The following PHLPP1 variants were observed in gnomAD, a reference collection of about 807,000 sequenced individuals.
PHLPP1 encodes PH domain and leucine rich repeat protein phosphatase 1.
Under a neutral mutation model 117.2 loss-of-function variants are expected in PHLPP1, and 42 were observed. The observed-to-expected ratio is 0.36, with a 90% confidence interval of 0.28 to 0.46. The LOEUF (loss-of-function observed/expected upper bound fraction) is 0.46. Among genes scored for constraint, PHLPP1 ranks in the 20% least tolerant of loss-of-function variants. The probability of loss-of-function intolerance (pLI) is 1.00; values close to 1 mark genes in which losing one functional copy is unlikely to be tolerated. For synonymous variants in PHLPP1, 1,042 were observed against 970.7 expected, an observed-to-expected ratio of 1.07 and a Z score of -1.37; for missense variants, 2,084 against 2,241.9, an observed-to-expected ratio of 0.93 and a Z score of 1.42.
At chr18:62,795,492 C>CAAAAAAAAAA (rs11291832) in intron 1 of PHLPP1, among the ~76,000 whole-genome samples, 1 of 61,400 alleles carries the variant, frequency 1.6e-5, no homozygotes. Context: ...GACTCCATCT[C>CAAAAAAAAAA]AAAAAAAAAA....
chr18:62,957,101 T>C (rs1599141330), intron 12 of PHLPP1, among the ~76,000 whole-genome samples: 1 of 152,290 alleles, frequency 6.6e-6, no homozygotes, highest in Middle Eastern at 3.4e-3. Context: ...AAGGTACTAA[T>C]TCAGCCAGAT....
intron 1 of PHLPP1, among the ~76,000 whole-genome samples, chr18:62,770,973 C>A (rs1423952164): frequency 6.6e-6 from 1 of 152,118 alleles, no homozygotes; most frequent in East Asian, 1.9e-4. Flanking sequence ...AATCCCAACA[C>A]TTTGGGAGGC....
At chr18:62,731,326 T>C (rs923695478) in intron 1 of PHLPP1, 1 of 152,220 alleles carries the variant, frequency 6.6e-6, no homozygotes, top group Admixed American at 6.5e-5. Flanking sequence ...GCTGCCGAAG[T>C]GAGCACCCTT....
chr18:62,822,447 A>T (rs929911029), intron 1 of PHLPP1, among the ~76,000 whole-genome samples: 4 of 146,948 alleles, frequency 2.7e-5, no homozygotes, highest in Non-Finnish European at 4.5e-5. Context: ...ACGCCCAGCT[A>T]TTTTTTTTTT....
intron 1 of PHLPP1, among the ~76,000 whole-genome samples, chr18:62,732,042 G>T (rs1911240624): frequency 6.6e-6 from 1 of 152,208 alleles, no homozygotes; most frequent in South Asian, 2.1e-4. Flanking sequence ...CACAAGTTAT[G>T]ATGTGTAGAA....
intron 1 of PHLPP1, among the ~76,000 whole-genome samples, chr18:62,743,520 G>A (rs1568100492): frequency 7.3e-5 from 11 of 151,644 alleles, no homozygotes; most frequent in South Asian, 4.2e-4. Flanking sequence ...CTTAAGTATC[G>A]CCATACAGAA....
intron 1 of PHLPP1, among the ~76,000 whole-genome samples, chr18:62,742,034 T>C (rs1292279156): frequency 6.6e-6 from 1 of 152,112 alleles, no homozygotes; most frequent in Non-Finnish European, 1.5e-5. Context: ...CTCTGTTAAG[T>C]CTAGCTACAA....
At chr18:62,819,871 A>T (rs1246952065) in intron 1 of PHLPP1, among the ~76,000 whole-genome samples, 7 of 151,778 alleles carry the variant, frequency 4.6e-5, no homozygotes, top group Admixed American at 4.6e-4. Context: ...CTTTTTTCGA[A>T]CTCCTGACCT....
rs140324115 is a variant in PHLPP1 at position 62,739,289 on chromosome 18, A to G, written c.1576+22030A>G. On this transcript the variant is annotated intron_variant, in intron 1 of 16. Coordinates refer to ENST00000262719, the MANE Select transcript of PHLPP1 (RefSeq NM_194449.4). The stretch of plus-strand genomic sequence containing the variant: ...TTATATTGAGTGAAATAATTCAGAC[A>G]TGAAGGAGATACAACTCTATGATTA... Among the ~76,000 whole-genome samples the G allele has an allele frequency of 2.2e-3, 337 of 152,368 alleles. 3 individuals are homozygous for G. The highest frequency in any genetic ancestry group is 7.1e-3 in the African/African-American group (297 of 41,590).
chr18:62,741,164 A>C (rs1273268586), intron 1 of PHLPP1, among the ~76,000 whole-genome samples: 1 of 152,210 alleles, frequency 6.6e-6, no homozygotes, highest in Non-Finnish European at 1.5e-5. Flanking sequence ...ATTGCTAAAC[A>C]GCAGTAAGAG....
chr18:62,828,754 A>G (rs1360005086), intron 1 of PHLPP1, among the ~76,000 whole-genome samples: 1 of 152,144 alleles, frequency 6.6e-6, no homozygotes, highest in Non-Finnish European at 1.5e-5. Flanking sequence ...TTTAATATTA[A>G]TAAGAATATA....
At chr18:62,719,824 TTGAAGATCACC>T (rs1005030580) in intron 1 of PHLPP1, among the ~76,000 whole-genome samples, 2 of 152,328 alleles carry the variant, frequency 1.3e-5, no homozygotes, top group East Asian at 1.9e-4. Flanking sequence ...GTCTGCTCTC[TTGAAGATCACC>T]TTTCTGTTCA....
At chr18:62,932,392 C>T (rs1909842803) in intron 10 of PHLPP1, among the ~76,000 whole-genome samples, 1 of 152,164 alleles carries the variant, frequency 6.6e-6, no homozygotes, top group South Asian at 2.1e-4. Context: ...CAGCTGAATT[C>T]AGCAGCATAT....
intron 1 of PHLPP1, among the ~76,000 whole-genome samples, chr18:62,825,246 A>G (rs1249679923): frequency 6.6e-6 from 1 of 151,998 alleles, no homozygotes; most frequent in Non-Finnish European, 1.5e-5. Flanking sequence ...GGCATGAGCC[A>G]CTGTGTCCAG....
At chr18:62,768,746 A>T (rs1912643181) in intron 1 of PHLPP1, among the ~76,000 whole-genome samples, 3 of 152,180 alleles carry the variant, frequency 2.0e-5, no homozygotes, top group Admixed American at 2.0e-4. Context: ...GTAGGTGGGG[A>T]GGAGAAATTA....
chr18:62,760,635 C>T (rs1912192582), intron 1 of PHLPP1, among the ~76,000 whole-genome samples: 1 of 152,190 alleles, frequency 6.6e-6, no homozygotes, highest in South Asian at 2.1e-4. Context: ...GTGCAAGGCT[C>T]TCTCTGTTGC....
intron 1 of PHLPP1, among the ~76,000 whole-genome samples, chr18:62,826,004 C>T (rs1292445565): frequency 6.6e-6 from 1 of 152,152 alleles, no homozygotes; most frequent in East Asian, 1.9e-4. Flanking sequence ...TAATTTTAAA[C>T]CACCACTTCT....
chr18:62,717,963 A>G (rs1018735930), intron 1 of PHLPP1, among the ~76,000 whole-genome samples: 1 of 152,184 alleles, frequency 6.6e-6, no homozygotes. Context: ...TGACCACCGC[A>G]ATACGCCTTG....
At position 62,978,661 on chromosome 18, in the gene PHLPP1, G is replaced by A; in HGVS notation, c.4384G>A (p.Asp1462Asn). ...CATGGTGATCAAGGATCGGCCCTCA[G>A]ATGGGCTGGGCGTGCCGTCCTCCAG... ...VNMVIKDRPS[D>N]GLGVPSSSSG... Residue 1462 changes from aspartate to asparagine, a missense_variant, in exon 17 of 17, where the codon GAT (aspartate) becomes AAT (asparagine). By Grantham distance (23) the Asp-to-Asn change is conservative. Around this residue, in one of 2 missense-constraint regions of PHLPP1, gnomAD observed 1,365 missense variants for 1,605.9 expected, o/e 0.85. Transcript: ENST00000262719. This position sits in a 1 kb window ranked among gnomAD's most constrained non-coding sequence, Gnocchi z 7.0. 6.2e-7 allele frequency: 1 copy of A among 1,613,920 alleles called. No homozygotes were observed. Among genetic ancestry groups the A allele is most frequent in the Non-Finnish European group, 8.5e-7 (1 of 1,179,884 alleles).
Sources: allele counts gnomAD v4.1 joint callset (sites outside exome capture counted in the v4.1 genomes callset), GRCh38; gene constraint gnomAD v4.1.1; regional missense constraint gnomAD v4.1.1; non-coding constraint Gnocchi (gnomAD v3.1); transcripts MANE v1.5; gene names NCBI Gene and HGNC (gene_info 2026-07-23, HGNC 2026-07-21).